The following ATG7 variants were observed in gnomAD, a reference collection of about 807,000 sequenced individuals.
The protein encoded by ATG7 is ubiquitin-like modifier-activating enzyme ATG7.
ATG7 carries 70 observed loss-of-function variants against 82.4 expected under a neutral mutation model. The ratio of observed to expected loss-of-function variants is 0.85; its 90% CI spans 0.70 to 1.04. The LOEUF (loss-of-function observed/expected upper bound fraction) is 1.04, where lower values mean the gene tolerates loss of function less well. ATG7 is among the 50% of genes least tolerant of loss of function. ATG7 has a pLI of 0.00. For missense variants in ATG7, 792 were observed against 864.3 expected (o/e 0.92, Z 1.05); for synonymous variants, 287 against 313.0 (o/e 0.92, Z 0.88).
intron 20 of ATG7, chr3:11,488,396 C>T (rs1347824941): frequency 4.4e-5 from 52 of 1,180,032 alleles, no homozygotes; most frequent in East Asian, 7.4e-5. Context: ...GAGACAGCTC[C>T]GCTGCCCGCT....
intron 20 of ATG7, among the ~76,000 whole-genome samples, chr3:11,503,342 C>A (rs2091476241): frequency 6.6e-6 from 1 of 152,132 alleles, no homozygotes; most frequent in Non-Finnish European, 1.5e-5. Context: ...AAAAATGTTA[C>A]ATGTCCCAAA....
intron 20 of ATG7, among the ~76,000 whole-genome samples, chr3:11,430,533 T>C (rs1229284056): frequency 3.3e-5 from 5 of 152,182 alleles, no homozygotes; most frequent in Admixed American, 1.3e-4. Context: ...TCAATCAACA[T>C]TGGAATTGCA....
Position 11,491,019 on chromosome 3 carries a change from A to G in ATG7, c.2080-63792A>G, listed in dbSNP as rs536816160. Among the ~76,000 whole-genome samples, 10 of 152,224 alleles carry G rather than the reference A, an allele frequency of 6.6e-5. 1 individual carries two copies. The highest frequency in any genetic ancestry group is 1.9e-4 in the African/African-American group (8 of 41,518). On this transcript the variant is annotated intron_variant, in intron 20 of 20. Coordinates refer to ENST00000693202, the MANE Select transcript of ATG7 (RefSeq NM_001349232.2). ...ATTTCCTGAATCTGAATGTTGGCCT[A>G]CCTTGCTAGATTGGGGAATTTCTCC...
intron 20 of ATG7, among the ~76,000 whole-genome samples, chr3:11,494,037 G>T (rs966081512): frequency 6.6e-6 from 1 of 152,198 alleles, no homozygotes; most frequent in Admixed American, 6.5e-5. Context: ...ATGCAAGAAG[G>T]TGTTACCAAA....
At chr3:11,487,020 G>T (rs914141549) in intron 20 of ATG7, among the ~76,000 whole-genome samples, 1 of 151,498 alleles carries the variant, frequency 6.6e-6, no homozygotes, top group Non-Finnish European at 1.5e-5. Flanking sequence ...CTTGAGATGA[G>T]GGATTGGTGA....
chr3:11,531,867 GAA>G (rs10706428), intron 20 of ATG7, among the ~76,000 whole-genome samples: 1,106 of 95,132 alleles, frequency 0.012, 7 homozygotes, highest in African/African-American at 0.034. Context: ...CCTGTCTCAG[GAA>G]AAAAAAAAAA....
the ATG7 span, among the ~76,000 whole-genome samples, chr3:11,566,689 CCGTCCTGCG>C: frequency 6.6e-6 from 1 of 152,196 alleles, no homozygotes; most frequent in East Asian, 1.9e-4. Context: ...TCCCTCCTCC[CCGTCCTGCG>C]CTGCCAACCA....
At chr3:11,575,915 C>T in the ATG7 span, among the ~76,000 whole-genome samples, 61 of 152,332 alleles carry the variant, frequency 4.0e-4, 2 homozygotes, top group Middle Eastern at 0.02. Flanking sequence ...GCGGGACTCA[C>T]GGAAATGCTG....
At chr3:11,332,470 TATG>T (rs1485150962) in intron 10 of ATG7, among the ~76,000 whole-genome samples, 2 of 152,162 alleles carry the variant, frequency 1.3e-5, no homozygotes, top group Non-Finnish European at 2.9e-5. Flanking sequence ...TATTTAAAAA[TATG>T]AAGATAGATA....
At chr3:11,285,091 T>A (rs1452994245) in intron 3 of ATG7, among the ~76,000 whole-genome samples, 5 of 150,920 alleles carry the variant, frequency 3.3e-5, no homozygotes, top group Admixed American at 2.6e-4. Flanking sequence ...ACCTCATGAT[T>A]TGCCCACCTC....
At chr3:11,364,603 CTCCCATGTGTTAAACTTGGAT>C in intron 17 of ATG7, 35 bp from the exon 18 acceptor site, 1 of 1,559,272 alleles carries the variant, frequency 6.4e-7, no homozygotes, top group East Asian at 2.2e-5. Flanking sequence ...CTAGATCATC[CTCCCATGTGTTAAACTTGGAT>C]TAAATGAGCA....
intron 10 of ATG7, 63 bp from the exon 11 acceptor site, chr3:11,332,909 C>T (rs2152756771): frequency 7.3e-7 from 1 of 1,373,152 alleles, no homozygotes; most frequent in South Asian, 1.8e-5. Context: ...CTTATGTGAG[C>T]TTTTTCTTTT....
chr3:11,364,717 G>T lies in ATG7; in HGVS notation c.1858G>T (p.Gly620Trp). 6.2e-7 allele frequency: 1 copy of T among 1,614,110 alleles called. No homozygotes were observed. The highest frequency in any genetic ancestry group is 8.5e-7 in the Non-Finnish European group (1 of 1,179,996). ...GATGAATGAGCCTCCAACCTCTCTT[G>T]GGCTTGTGCCTCACCAGGTTAGTGA... ...DRMNEPPTSL[G>W]LVPHQIRGFL... Residue 620 changes from glycine (G) to tryptophan (W), a missense_variant, in exon 18 of 21, where the codon GGG (glycine) becomes TGG (tryptophan). Transcript: ENST00000693202.
intron 20 of ATG7, among the ~76,000 whole-genome samples, chr3:11,461,313 G>T (rs1458870446): frequency 2.0e-5 from 3 of 152,192 alleles, no homozygotes; most frequent in Non-Finnish European, 4.4e-5. Context: ...AGTGATTGGG[G>T]TCAGAAATGG....
intron 19 of ATG7, among the ~76,000 whole-genome samples, chr3:11,419,183 T>C (rs2081697473): frequency 6.6e-6 from 1 of 152,170 alleles, no homozygotes; most frequent in Admixed American, 6.5e-5. Flanking sequence ...ACTTCATGTT[T>C]CCTCCCCTCT....
downstream of ATG7, chr3:11,558,359 T>C (rs556880251): frequency 2.0e-5 from 17 of 830,738 alleles, no homozygotes; most frequent in African/African-American, 2.4e-4. Flanking sequence ...CCTGCTATCA[T>C]GTTTGAGGGC....
intron 3 of ATG7, among the ~76,000 whole-genome samples, chr3:11,298,232 C>T (rs187227768): frequency 2.6e-4 from 40 of 151,618 alleles, no homozygotes; most frequent in Non-Finnish European, 4.4e-4. Flanking sequence ...CAACACAGGC[C>T]AATTAGGATG....
intron 3 of ATG7, among the ~76,000 whole-genome samples, chr3:11,293,162 A>G (rs1242901600): frequency 6.6e-6 from 1 of 152,216 alleles, no homozygotes; most frequent in Non-Finnish European, 1.5e-5. Flanking sequence ...GGACACTTAA[A>G]TATATGTTTA....
At chr3:11,479,723 G>A (rs1276577774) in intron 20 of ATG7, among the ~76,000 whole-genome samples, 2 of 152,120 alleles carry the variant, frequency 1.3e-5, no homozygotes, top group Non-Finnish European at 2.9e-5. Flanking sequence ...CAAAAGAAAA[G>A]GGAGACATGC....
Sources: allele counts gnomAD v4.1 joint callset (sites outside exome capture counted in the v4.1 genomes callset), GRCh38; gene constraint gnomAD v4.1.1; transcripts MANE v1.5; gene names NCBI Gene and HGNC (gene_info 2026-07-23, HGNC 2026-07-21).